The following ERMARD variants were observed in gnomAD, a reference collection of about 807,000 sequenced individuals.
ERMARD encodes the protein endoplasmic reticulum membrane-associated RNA degradation protein.
A neutral mutation model predicts 83.9 loss-of-function variants in ERMARD; 71 were observed. The ratio of observed to expected loss-of-function variants is 0.85; its 90% CI spans 0.70 to 1.03. ERMARD has a LOEUF of 1.03. Among genes scored for constraint, ERMARD ranks in the 50% least tolerant of loss-of-function variants. ERMARD has a pLI of 0.00. For missense variants in ERMARD, 838 were observed against 810.9 expected, an observed-to-expected ratio of 1.03 and a Z score of -0.41; for synonymous variants, 284 against 298.6, an observed-to-expected ratio of 0.95 and a Z score of 0.50.
intron 12 of ERMARD, among the ~76,000 whole-genome samples, chr6:169,772,875 G>A (rs9397002): frequency 0.09 from 13,628 of 150,682 alleles, 1,766 homozygotes; most frequent in East Asian, 0.62. Context: ...TGGCTGACTT[G>A]GATTTTTAAG....
chr6:169,760,093 G>T, intron 7 of ERMARD, 119 bp downstream of exon 7: 1 of 1,513,512 alleles, frequency 6.6e-7, no homozygotes. Context: ...TCAGTAGTCG[G>T]ATGGCTTTCA....
intron 5 of ERMARD, among the ~76,000 whole-genome samples, chr6:169,758,204 A>T (rs1452577474): frequency 6.6e-6 from 1 of 152,240 alleles, no homozygotes; most frequent in African/African-American, 2.4e-5. Flanking sequence ...ATGCATGAAG[A>T]CAGTGTTCAC....
chr6:169,751,831 T>A, intron 1 of ERMARD, 168 bp downstream of exon 1: 2 of 1,025,210 alleles, frequency 2.0e-6, no homozygotes, highest in Non-Finnish European at 2.7e-6. Flanking sequence ...TCTGTGGCGG[T>A]ATCGGACGCT....
At chr6:169,772,234 T>A (rs936303750) in intron 12 of ERMARD, among the ~76,000 whole-genome samples, 1 of 152,218 alleles carries the variant, frequency 6.6e-6, no homozygotes, top group Non-Finnish European at 1.5e-5. Flanking sequence ...AGCCCTCGGA[T>A]GGGTTCACAT....
At chr6:169,759,101 G>A (rs1336473256) in intron 6 of ERMARD, 36 bp downstream of exon 6, 2 of 1,541,494 alleles carry the variant, frequency 1.3e-6, no homozygotes, top group Non-Finnish European at 1.8e-6. Context: ...TTCCTTTTTT[G>A]GATCTACCAA....
chr6:169,761,156 T>C (rs1477516259), intron 8 of ERMARD, among the ~76,000 whole-genome samples: 1 of 152,230 alleles, frequency 6.6e-6, no homozygotes, highest in African/African-American at 2.4e-5. Flanking sequence ...CCTTAAAGGA[T>C]ATTACCCTAA....
intron 9 of ERMARD, among the ~76,000 whole-genome samples, chr6:169,762,984 T>C (rs1791743807): frequency 6.6e-6 from 1 of 152,194 alleles, no homozygotes; most frequent in South Asian, 2.1e-4. Flanking sequence ...CAGCAGGTCA[T>C]GAAAGCCTTT....
Position 169,769,641 on chromosome 6 carries a change from T to C in ERMARD, c.1161T>C (p.Thr387=). Reference sequence around the variant, plus strand: ...TACATGAATTTTCAAAAGAAACAACTAATCAGTTGCTTGCATTTTCTCTTG... The same window carrying C: ...TACATGAATTTTCAAAAGAAACAACCAATCAGTTGCTTGCATTTTCTCTTG... ...INLHEFSKET[T]NQLLAFSLVL... The change falls in exon 12 of 18, where the codon ACT becomes ACC. Residue 387 remains threonine (T), a synonymous_variant. Transcript: ENST00000366773. 2.5e-6 allele frequency: 4 copies of C among 1,613,114 alleles called. No individual in the cohort carries two copies. The highest frequency in any genetic ancestry group is 1.1e-5 in the South Asian group (1 of 90,722).
At chr6:169,751,376 C>A (rs775968287), upstream of ERMARD, 1 of 1,614,170 alleles carries the variant, frequency 6.2e-7, no homozygotes, top group South Asian at 1.1e-5. Flanking sequence ...CCTTTCTTTC[C>A]TAGGCGTCAC....
intron 1 of ERMARD, 179 bp downstream of exon 1, chr6:169,751,842 C>G (rs1276590794): frequency 2.1e-6 from 2 of 950,028 alleles, no homozygotes; most frequent in African/African-American, 3.5e-5. Flanking sequence ...ATCGGACGCT[C>G]GGCCCTGCAA....
In ERMARD at chr6:169,769,695, T is replaced by A; in HGVS notation, c.1215T>A (p.Cys405Ter). ...LVLLLRFVDD[C>*]LLSVFKEKSA... ...TGCTACTCAGATTCGTTGATGACTG[T>A]CTGCTATCAGTTTTTAAGGTAATTT... is the stretch of plus-strand genomic sequence containing the variant. The change falls in exon 12 of 18, where the codon TGT becomes TGA. Residue 405 changes from cysteine to a stop codon, truncating the protein, a stop_gained. Coordinates refer to ENST00000366773, the MANE Select transcript of ERMARD (RefSeq NM_018341.3). LOFTEE classifies it high-confidence loss of function. 6.2e-7 allele frequency: 1 copy of A among 1,605,690 alleles called. No individual in the cohort carries two copies. The highest frequency in any genetic ancestry group is 8.5e-7 in the Non-Finnish European group (1 of 1,176,116).
chr6:169,781,123 A>T (rs1794156115), intron 17 of ERMARD, among the ~76,000 whole-genome samples: 1 of 152,236 alleles, frequency 6.6e-6, no homozygotes, highest in African/African-American at 2.4e-5. Flanking sequence ...CCAAGTGTCC[A>T]GTAGCATTTA....
chr6:169,771,602 G>A (rs1792926437), intron 12 of ERMARD: 1 of 152,186 alleles, frequency 6.6e-6, no homozygotes, highest in Non-Finnish European at 1.5e-5. Context: ...AGCTTATTCA[G>A]GGACACAGGT....
intron 17 of ERMARD, among the ~76,000 whole-genome samples, chr6:169,780,607 C>T (rs1260998384): frequency 2.6e-5 from 4 of 152,286 alleles, no homozygotes; most frequent in Non-Finnish European, 4.4e-5. Flanking sequence ...CCCTCCATCA[C>T]GGGGGATGGA....
chr6:169,751,693 C>A, intron 1 of ERMARD, 30 bp downstream of exon 1: 1 of 1,540,814 alleles, frequency 6.5e-7, no homozygotes, highest in Non-Finnish European at 8.7e-7. Flanking sequence ...CGGTTCGATC[C>A]CGAGCTAGGC....
intron 9 of ERMARD, 115 bp from the exon 10 acceptor site, chr6:169,766,523 A>G: frequency 1.4e-6 from 1 of 716,944 alleles, no homozygotes; most frequent in Middle Eastern, 2.6e-4. Context: ...GTTTGTTTTA[A>G]CAAAAAACTT....
Position 169,776,519 on chromosome 6 carries a change from G to C in ERMARD, c.1585G>C (p.Val529Leu), listed in dbSNP as rs757875409. 9 of 1,614,186 alleles carry C rather than the reference G, an allele frequency of 5.6e-6. No individual in the cohort carries two copies. The highest frequency in any genetic ancestry group is 6.8e-6 in the Non-Finnish European group (8 of 1,180,032). ...PVPTLFCPRI[V>L]LEVLVVLRSI... ...TCCCACCCTGTTCTGCCCCAGGATT[G>C]TGCTGGAAGTGCTGGTTGTGCTCCG... The change falls in exon 16 of 18, where the codon GTG becomes CTG. Residue 529 changes from valine to leucine, a missense_variant. Coordinates refer to ENST00000366773, the MANE Select transcript of ERMARD (RefSeq NM_018341.3).
chr6:169,751,609 C>A (rs371732324), upstream of ERMARD: 249 of 1,586,444 alleles, frequency 1.6e-4, no homozygotes, highest in Non-Finnish European at 2.1e-4. Context: ...AGGAGGGGCG[C>A]GCAGGCGCCT....
intron 10 of ERMARD, 198 bp downstream of exon 10, chr6:169,766,865 C>A: frequency 2.1e-6 from 1 of 468,392 alleles, no homozygotes; most frequent in East Asian, 3.5e-5. Flanking sequence ...AATCTAGCTC[C>A]CAAAGCTATC....
Sources: gnomAD v4.1 joint callset for allele counts (sites outside exome capture counted in the v4.1 genomes callset) on GRCh38, gnomAD v4.1.1 for gene constraint, MANE v1.5 for transcripts, NCBI Gene and HGNC (gene_info 2026-07-23, HGNC 2026-07-21) for gene names.